Variants in KAT6A observed in about 807,000 individuals in gnomAD.
The protein encoded by KAT6A is histone acetyltransferase KAT6A.
Under a neutral mutation model 198.4 loss-of-function variants are expected in KAT6A, and 9 were observed. The ratio of observed to expected loss-of-function variants is 0.05; its 90% CI spans 0.03 to 0.08. The LOEUF is 0.08. Among genes scored for constraint, KAT6A ranks in the 10% least tolerant of loss-of-function variants. KAT6A has a pLI of 1.00. For missense variants in KAT6A, 2,077 were observed against 2,509.9 expected (o/e 0.83, Z 3.69); for synonymous variants, 890 against 883.0 (o/e 1.01, Z -0.14).
intron 8 of KAT6A, among the ~76,000 whole-genome samples, chr8:41,971,332 G>A (rs1823784601): frequency 6.6e-6 from 1 of 152,156 alleles, no homozygotes; most frequent in South Asian, 2.1e-4. Flanking sequence ...AAAGCAGGCA[G>A]GTCAGGGGAT....
At chr8:41,969,341 A>G (rs961871815) in intron 8 of KAT6A, among the ~76,000 whole-genome samples, 2 of 152,190 alleles carry the variant, frequency 1.3e-5, no homozygotes, top group African/African-American at 4.8e-5. Context: ...CCTCTTATCT[A>G]GTCAACATGA....
At chr8:41,983,991 T>C (rs1365492518) in intron 3 of KAT6A, among the ~76,000 whole-genome samples, 2 of 152,262 alleles carry the variant, frequency 1.3e-5, no homozygotes, top group African/African-American at 2.4e-5. Flanking sequence ...TTTATACTTA[T>C]ATAGCTTTTG....
chr8:41,963,952 A>G (rs2150877222), intron 8 of KAT6A, among the ~76,000 whole-genome samples: 1 of 152,268 alleles, frequency 6.6e-6, no homozygotes, highest in African/African-American at 2.4e-5. Flanking sequence ...CTTCTCCAAT[A>G]GTAAACTTAC....
At chr8:42,040,582 A>C (rs1827607116) in intron 2 of KAT6A, among the ~76,000 whole-genome samples, 1 of 151,812 alleles carries the variant, frequency 6.6e-6, no homozygotes, top group South Asian at 2.1e-4. Flanking sequence ...AAAAATACAA[A>C]AAATTAGCCA....
At chr8:41,984,078 T>C (rs1012224208) in intron 3 of KAT6A, among the ~76,000 whole-genome samples, 3 of 152,246 alleles carry the variant, frequency 2.0e-5, no homozygotes, top group Admixed American at 6.5e-5. Context: ...CTTTTTAATT[T>C]AGAAAATATC....
intron 2 of KAT6A, among the ~76,000 whole-genome samples, chr8:41,989,814 C>T (rs952241273): frequency 6.6e-6 from 1 of 151,956 alleles, no homozygotes; most frequent in Admixed American, 6.6e-5. Context: ...AGAGAATAAG[C>T]CAGAAAAGCA....
chr8:42,029,135 C>T (rs1367094365), intron 2 of KAT6A, among the ~76,000 whole-genome samples: 4 of 152,120 alleles, frequency 2.6e-5, no homozygotes, highest in Non-Finnish European at 4.4e-5. Flanking sequence ...TCTCTCCTGG[C>T]CTATAAGATT....
chr8:42,038,989 C>T lies in KAT6A; in HGVS notation c.600+9389G>A, dbSNP rs147927007. The stretch of plus-strand genomic sequence containing the variant: ...TCCCTAATGAAGTTGAAAATAATTC[C>T]TTGGCCTTGAATTTACAGATACATG... On this transcript the variant is annotated intron_variant, in intron 2 of 16. Coordinates refer to ENST00000265713, the MANE Select transcript of KAT6A (RefSeq NM_006766.5). 7.2e-3 allele frequency among the ~76,000 whole-genome samples: 1,096 copies of T among 152,222 alleles called. 6 individuals carry two copies. Among genetic ancestry groups the T allele is most frequent in the Non-Finnish European group, 0.01 (692 of 68,012 alleles).
chr8:41,978,528 T>G, intron 6 of KAT6A, 114 bp downstream of exon 6: 1 of 1,041,270 alleles, frequency 9.6e-7, no homozygotes, highest in Non-Finnish European at 1.4e-6. Flanking sequence ...TATTATTATA[T>G]AAAAGTGCCA....
intron 12 of KAT6A, among the ~76,000 whole-genome samples, chr8:41,944,434 C>T (rs16890947): frequency 0.022 from 3,374 of 152,162 alleles, 58 homozygotes; most frequent in Non-Finnish European, 0.035. Context: ...TCACTTCAAC[C>T]AAAACTCCTC....
At chr8:42,027,596 A>T (rs1826886924) in intron 2 of KAT6A, among the ~76,000 whole-genome samples, 1 of 152,120 alleles carries the variant, frequency 6.6e-6, no homozygotes, top group South Asian at 2.1e-4. Flanking sequence ...TGTTCATAAT[A>T]GTTGCTGACG....
intron 2 of KAT6A, among the ~76,000 whole-genome samples, chr8:42,041,215 T>C (rs1475656442): frequency 7.0e-6 from 1 of 143,436 alleles, no homozygotes; most frequent in Non-Finnish European, 1.5e-5. Flanking sequence ...AAAAAAAAAC[T>C]GTGCAGCTGA....
rs201847080 is a variant in KAT6A, at chr8:41,968,217, C to T, written c.1482+6487G>A. ...ACAAAATGGGACAAAATTTTTGCAA[C>T]CTACTCTTCTGACAAAGGGCTAATA... On this transcript the variant is annotated intron_variant, in intron 8 of 16. Transcript: ENST00000265713. 7.9e-5 allele frequency among the ~76,000 whole-genome samples: 12 copies of T among 152,270 alleles called. No individual in the cohort carries two copies. In the East Asian group the frequency reaches 2.3e-3, roughly 29 times the overall value.
intron 2 of KAT6A, among the ~76,000 whole-genome samples, chr8:42,022,347 C>A: frequency 6.6e-6 from 1 of 150,866 alleles, no homozygotes. Context: ...AGCAAAAAAA[C>A]CTAGATATTT....
intron 2 of KAT6A, among the ~76,000 whole-genome samples, chr8:42,005,265 A>G (rs903232813): frequency 6.6e-6 from 1 of 152,244 alleles, no homozygotes; most frequent in Non-Finnish European, 1.5e-5. Context: ...CCAGAAACAC[A>G]CAAAAGCATA....
At position 41,932,748 on chromosome 8, in the gene KAT6A, T is replaced by A; in HGVS notation, c.5472A>T (p.Thr1824=). Reference sequence around the variant, plus strand: ...ACATGTTGCACTGAAGCAGAGGAGATGTGAGGTTCATGGTAGTGGATGCCA... The same window carrying A: ...ACATGTTGCACTGAAGCAGAGGAGAAGTGAGGTTCATGGTAGTGGATGCCA... ...PNLASTTMNL[T]SPLLQCNMSA... The change falls in exon 17 of 17, where the codon ACA becomes ACT. Residue 1824 remains threonine (T), a synonymous_variant. Coordinates refer to ENST00000265713, the MANE Select transcript of KAT6A (RefSeq NM_006766.5). 1 of 1,614,154 alleles carries A rather than the reference T, an allele frequency of 6.2e-7. No individual in the cohort carries two copies. Among genetic ancestry groups the A allele is most frequent in the Non-Finnish European group, 8.5e-7 (1 of 1,180,014 alleles).
chr8:41,932,654 A>T lies in KAT6A; in HGVS notation c.5566T>A (p.Ser1856Thr). The T allele has an allele frequency of 6.2e-7, 1 of 1,614,216 alleles. No individual in the cohort carries two copies. Among genetic ancestry groups the T allele is most frequent in the Non-Finnish European group, 8.5e-7 (1 of 1,180,022 alleles). The change falls in exon 17 of 17, where the codon TCC (serine) becomes ACC (threonine). Residue 1856 changes from serine (S) to threonine (T), a missense_variant. Transcript: ENST00000265713. ...QGQMPVKGHI[S>T]IRSKSAPLPS... ...AGTGGCGCAGACTTGGAGCGGATGG[A>T]AATGTGCCCCTTCACTGGCATTTGC...
In KAT6A at chr8:41,934,584, C is replaced by G; in HGVS notation, c.3636G>C (p.Glu1212Asp). ...PKIQESEETV[E>D]PKEDMPLPEE... is the part of the protein sequence containing the mutation. ...CGGGTAGGGGCATGTCTTCTTTTGG[C>G]TCAACAGTTTCTTCACTCTCCTGGA... The change falls in exon 17 of 17, where the codon GAG becomes GAC. Residue 1212 changes from glutamate (E) to aspartate (D), a missense_variant. Transcript: ENST00000265713. The G allele has an allele frequency of 6.2e-7, 1 of 1,614,098 alleles. No individual in the cohort carries two copies.
chr8:41,997,602 CA>C (rs1421130237), intron 2 of KAT6A, among the ~76,000 whole-genome samples: 2 of 152,050 alleles, frequency 1.3e-5, no homozygotes, highest in Non-Finnish European at 2.9e-5. Flanking sequence ...CAGTCTCAAA[CA>C]AAAAATTCTT....
Sources: gnomAD v4.1 joint callset for allele counts (sites outside exome capture counted in the v4.1 genomes callset) on GRCh38, gnomAD v4.1.1 for gene constraint, MANE v1.5 for transcripts, NCBI Gene and HGNC (gene_info 2026-07-23, HGNC 2026-07-21) for gene names.